The following EGFR variants were observed in gnomAD, a reference collection of about 807,000 sequenced individuals.
EGFR encodes the protein epidermal growth factor receptor.
Under a neutral mutation model 143.0 loss-of-function variants are expected in EGFR, and 58 were observed. The observed-to-expected ratio is 0.41, with a 90% confidence interval of 0.33 to 0.50. EGFR has a LOEUF of 0.50. Among genes scored for constraint, EGFR ranks in the 20% least tolerant of loss-of-function variants. The probability of loss-of-function intolerance (pLI) is 0.39; values close to 1 mark genes in which losing one functional copy is unlikely to be tolerated. For missense variants in EGFR, 1,307 were observed against 1,579.0 expected, an observed-to-expected ratio of 0.83 and a Z score of 2.92; for synonymous variants, 613 against 594.4, an observed-to-expected ratio of 1.03 and a Z score of -0.45.
chr7:55,146,908 A>G (rs1794796663), intron 4 of EGFR, among the ~76,000 whole-genome samples, 168 bp downstream of exon 4: 1 of 152,272 alleles, frequency 6.6e-6, no homozygotes, highest in Non-Finnish European at 1.5e-5. Context: ...CCACGGACAT[A>G]GAGATCGTTT....
At chr7:55,121,639 TA>T (rs779993122) in intron 1 of EGFR, among the ~76,000 whole-genome samples, 1 of 152,182 alleles carries the variant, frequency 6.6e-6, no homozygotes, top group East Asian at 1.9e-4. Flanking sequence ...AGAATTACCA[TA>T]AAAAACAGAC....
chr7:55,041,071 G>T lies in EGFR; in HGVS notation c.88+21706G>T, dbSNP rs577417954. 8.7e-4 allele frequency among the ~76,000 whole-genome samples: 132 copies of T among 152,306 alleles called. 1 individual carries two copies. The highest frequency in any genetic ancestry group is 3.9e-3 in the South Asian group (19 of 4,820). The stretch of plus-strand genomic sequence containing the variant: ...ATCTGTGTGTCTCCTGTAAATAAGT[G>T]CATTAGCAGTACACAGGTGGTGTCA... On this transcript the variant is annotated intron_variant, in intron 1 of 27. Coordinates refer to ENST00000275493, the MANE Select transcript of EGFR (RefSeq NM_005228.5).
At chr7:55,103,497 G>A (rs6954351) in intron 1 of EGFR, among the ~76,000 whole-genome samples, 16,253 of 152,214 alleles carry the variant, frequency 0.11, 1,085 homozygotes, top group Middle Eastern at 0.19. Context: ...TGAACCTGCA[G>A]CATTGCATTC....
In EGFR at chr7:55,163,882, G is replaced by A. The variant is rs71547919; in HGVS notation, c.1722+59G>A. The A allele has an allele frequency of 1.5e-5, 24 of 1,573,334 alleles. No homozygotes were observed. The Middle Eastern group carries it at 5.2e-4, about 34-fold the overall frequency. On this transcript the variant is annotated intron_variant, in intron 14 of 27. Coordinates refer to ENST00000275493, the MANE Select transcript of EGFR (RefSeq NM_005228.5). ...CATGGGAAGGGCCTTCACAGAAGCC[G>A]AACAGTGATGATGGCCCAGGGCATC... is the stretch of plus-strand genomic sequence containing the variant.
At chr7:55,134,645 A>G (rs1165687214) in intron 1 of EGFR, among the ~76,000 whole-genome samples, 4 of 152,258 alleles carry the variant, frequency 2.6e-5, no homozygotes, top group African/African-American at 9.6e-5. Context: ...TTATAGTCCA[A>G]TAACAGGTCA....
At chr7:55,037,116 A>G (rs370401805) in intron 1 of EGFR, among the ~76,000 whole-genome samples, 2 of 152,266 alleles carry the variant, frequency 1.3e-5, no homozygotes, top group East Asian at 1.9e-4. Flanking sequence ...GTATTATGCA[A>G]CCATAAATGA....
At chr7:55,089,980 T>C (rs564232919) in intron 1 of EGFR, among the ~76,000 whole-genome samples, 97 of 129,306 alleles carry the variant, frequency 7.5e-4, no homozygotes, top group Non-Finnish European at 1.5e-3. Flanking sequence ...ATTTATTTAT[T>C]TATTTTGAGA....
At chr7:55,056,195 A>G (rs994404824) in intron 1 of EGFR, among the ~76,000 whole-genome samples, 2 of 152,168 alleles carry the variant, frequency 1.3e-5, no homozygotes, top group Non-Finnish European at 1.5e-5. Flanking sequence ...TAAGAACTCT[A>G]TGGAAAAATC....
rs1257242258 is a variant in EGFR at position 55,048,322 on chromosome 7, G to C, written c.88+28957G>C. Among the ~76,000 whole-genome samples, 5 of 152,306 alleles carry C rather than the reference G, an allele frequency of 3.3e-5. No individual in the cohort carries two copies. In the East Asian group the frequency reaches 9.6e-4, roughly 29 times the overall value. On this transcript the variant is annotated intron_variant, in intron 1 of 27. Transcript: ENST00000275493. ...GCATTTCCAGGGCCCTGCTCAGAAT[G>C]TAGGCCTTACTGATTCTTACAGAGT...
intron 20 of EGFR, among the ~76,000 whole-genome samples, chr7:55,188,579 G>A (rs147738577): frequency 2.0e-5 from 3 of 152,242 alleles, no homozygotes; most frequent in East Asian, 1.9e-4. Context: ...TGAGGGTCTC[G>A]GAGAAGAAGC....
intron 1 of EGFR, among the ~76,000 whole-genome samples, chr7:55,057,038 A>G (rs1233639310): frequency 6.6e-6 from 1 of 152,190 alleles, no homozygotes; most frequent in Non-Finnish European, 1.5e-5. Context: ...CGCAGCAAGG[A>G]AGACAGACTT....
At chr7:55,077,752 C>T (rs1209765701) in intron 1 of EGFR, among the ~76,000 whole-genome samples, 1 of 152,054 alleles carries the variant, frequency 6.6e-6, no homozygotes, top group Non-Finnish European at 1.5e-5. Flanking sequence ...GCTGCAGAAA[C>T]TCTTTGGTGC....
chr7:55,110,494 T>C (rs1792411369), intron 1 of EGFR, among the ~76,000 whole-genome samples: 1 of 152,244 alleles, frequency 6.6e-6, no homozygotes, highest in South Asian at 2.1e-4. Context: ...GCCCCCAATT[T>C]TCGTTGGCAC....
chr7:55,163,027 A>G (rs1008399359), intron 13 of EGFR, among the ~76,000 whole-genome samples: 8 of 152,184 alleles, frequency 5.3e-5, no homozygotes, highest in Non-Finnish European at 1.0e-4. Flanking sequence ...CCTGACCTCA[A>G]GTGATCTGCC....
At chr7:55,199,074 T>C (rs1441253349) in intron 23 of EGFR, among the ~76,000 whole-genome samples, 1 of 152,228 alleles carries the variant, frequency 6.6e-6, no homozygotes, top group African/African-American at 2.4e-5. Flanking sequence ...CATTTGCCCA[T>C]GTTTGCAAGC....
intron 1 of EGFR, among the ~76,000 whole-genome samples, chr7:55,099,687 T>C (rs976755118): frequency 6.6e-6 from 1 of 152,190 alleles, no homozygotes; most frequent in African/African-American, 2.4e-5. Context: ...GGCTGGGAGC[T>C]GCACAGGCAG....
intron 1 of EGFR, among the ~76,000 whole-genome samples, chr7:55,052,676 C>T (rs1386777286): frequency 6.6e-6 from 1 of 152,170 alleles, no homozygotes; most frequent in African/African-American, 2.4e-5. Flanking sequence ...TCACTTGCAT[C>T]AGCATCTGTG....
chr7:55,178,464 G>A (rs1205548725), intron 19 of EGFR, among the ~76,000 whole-genome samples: 1 of 152,200 alleles, frequency 6.6e-6, no homozygotes, highest in Non-Finnish European at 1.5e-5. Context: ...CAGAGGACCT[G>A]GGGCGCCTCC....
At chr7:55,110,484 G>GC in intron 1 of EGFR, among the ~76,000 whole-genome samples, 1 of 152,328 alleles carries the variant, frequency 6.6e-6, no homozygotes, top group Middle Eastern at 3.4e-3. Context: ...GCTGGGCAAA[G>GC]CCCCCAATTT....
Sources: gnomAD v4.1 joint callset for allele counts (sites outside exome capture counted in the v4.1 genomes callset) on GRCh38, gnomAD v4.1.1 for gene constraint, MANE v1.5 for transcripts, NCBI Gene and HGNC (gene_info 2026-07-23, HGNC 2026-07-21) for gene names.